Variants in NECAB2 observed in about 807,000 individuals in gnomAD.
The protein encoded by NECAB2 is N-terminal EF-hand calcium-binding protein 2.
Under a neutral mutation model 51.9 loss-of-function variants are expected in NECAB2, and 68 were observed. The observed-to-expected ratio is 1.31, with a 90% confidence interval of 1.08 to 1.60. The LOEUF is 1.60. Ranked by LOEUF, NECAB2 falls within the 40% of genes most tolerant of loss-of-function variation. The pLI is 0.00. For synonymous variants in NECAB2, 329 were observed against 203.5 expected (o/e 1.62, Z -5.25); for missense variants, 854 against 490.3 (o/e 1.74, Z -7.00).
Position 83,983,022 on chromosome 16 carries a change from C to T in NECAB2, c.459+1895C>T, listed in dbSNP as rs540638405. Among the ~76,000 whole-genome samples the T allele has an allele frequency of 6.6e-5, 10 of 152,086 alleles. No individual in the cohort carries two copies. In the South Asian group the frequency reaches 2.1e-3, roughly 32 times the overall value. ...TAGCTGGGACTACAGGCGCCCACCA[C>T]CACTCCTGGGTAATTTTTGTAGTTT... On this transcript the variant is annotated intron_variant, in intron 5 of 12. Transcript: ENST00000305202.
At position 83,994,695 on chromosome 16, in the gene NECAB2, C is replaced by A; in HGVS notation, c.795+7C>A. 6.2e-7 allele frequency: 1 copy of A among 1,613,932 alleles called. No homozygotes were observed. The highest frequency in any genetic ancestry group is 8.5e-7 in the Non-Finnish European group (1 of 1,179,994). ...TGGGAGGCTGGAGAGCAAAGTAAGC[C>A]CTGGCCTGACCACGGCGTCTACTCC... On this transcript the variant is annotated splice_region_variant and intron_variant, in intron 8 of 12. Coordinates refer to ENST00000305202, the MANE Select transcript of NECAB2 (RefSeq NM_019065.3).
Position 83,981,012 on chromosome 16 carries a change from T to C in NECAB2, c.362-18T>C. 1 of 1,612,984 alleles carries C rather than the reference T, an allele frequency of 6.2e-7. No individual in the cohort carries two copies. Among genetic ancestry groups the C allele is most frequent in the Non-Finnish European group, 8.5e-7 (1 of 1,179,032 alleles). On this transcript the variant is annotated intron_variant, in intron 4 of 12. Transcript: ENST00000305202. ...GGGCAGGACCTGTGACCCCTGACCTTTGCCTTTCCTTCCCCAGATTACTTT... is the reference window on the plus strand; with the variant it reads ...GGGCAGGACCTGTGACCCCTGACCTCTGCCTTTCCTTCCCCAGATTACTTT...
At chr16:83,993,088 A>C (rs2084647032) in intron 6 of NECAB2, among the ~76,000 whole-genome samples, 1 of 152,050 alleles carries the variant, frequency 6.6e-6, no homozygotes, top group Non-Finnish European at 1.5e-5. Flanking sequence ...TGTTCCACAC[A>C]TGCCCCTCCC....
chr16:84,000,978 T>G (rs1412122338), intron 11 of NECAB2, among the ~76,000 whole-genome samples, 177 bp downstream of exon 11: 3 of 151,678 alleles, frequency 2.0e-5, no homozygotes, highest in Non-Finnish European at 4.4e-5. Context: ...CAGGAGCTCT[T>G]GGTGGGTAGT....
chr16:83,982,347 G>T (rs1033306619), intron 5 of NECAB2, among the ~76,000 whole-genome samples: 2 of 152,164 alleles, frequency 1.3e-5, no homozygotes, highest in African/African-American at 2.4e-5. Flanking sequence ...CTGTTTTAGA[G>T]TATATTTTAA....
intron 10 of NECAB2, among the ~76,000 whole-genome samples, chr16:83,998,813 G>A (rs1162021589): frequency 9.4e-5 from 12 of 127,936 alleles, no homozygotes. Flanking sequence ...TCCCCCTGAT[G>A]TGCTGAGATG....
intron 5 of NECAB2, among the ~76,000 whole-genome samples, chr16:83,982,841 A>C (rs529757300): frequency 1.3e-5 from 2 of 150,092 alleles, no homozygotes; most frequent in South Asian, 4.2e-4. Context: ...CGTGATTGGC[A>C]TTTCCTTTTT....
At position 83,980,823 on chromosome 16, in the gene NECAB2, C is replaced by T. The variant is rs546644576; in HGVS notation, c.336-16C>T. 1.3e-6 allele frequency: 2 copies of T among 1,572,158 alleles called. No individual in the cohort carries two copies. The highest frequency in any genetic ancestry group is 1.2e-5 in the South Asian group (1 of 86,930). ...TCTCTGTCTCTGTCTGTCTCTGCCT[C>T]TGTCTGTCTCTGCAGCCATGTGGAC... On this transcript the variant is annotated splice_polypyrimidine_tract_variant and intron_variant, in intron 3 of 12. Coordinates refer to ENST00000305202, the MANE Select transcript of NECAB2 (RefSeq NM_019065.3).
chr16:83,986,357 C>G (rs190858286), intron 5 of NECAB2, among the ~76,000 whole-genome samples: 79 of 152,274 alleles, frequency 5.2e-4, no homozygotes, highest in African/African-American at 1.7e-3. Context: ...CAGTAAGATA[C>G]TGGAACTGGC....
Position 83,997,556 on chromosome 16 carries a change from C to G in NECAB2, c.849+287C>G, listed in dbSNP as rs559480954. On this transcript the variant is annotated intron_variant, in intron 9 of 12. Transcript: ENST00000305202. ...AGGCTGGAGTGCAGTGGTGGGATGT[C>G]GGCTTACTGCAACCTCTGCCTCCTG... Among the ~76,000 whole-genome samples, 22 of 124,856 alleles carry G rather than the reference C, an allele frequency of 1.8e-4. No homozygotes were observed. The South Asian group carries it at 5.8e-3, about 33-fold the overall frequency. The allele number at this position is 124,856 out of a possible 152,430, so 81.9% of individuals were successfully genotyped here. A position where few individuals can be genotyped will look rare whatever the true frequency, so the allele number is the denominator to read the frequency against.
chr16:83,980,032 G>A (rs542986949), intron 3 of NECAB2, among the ~76,000 whole-genome samples: 39 of 152,196 alleles, frequency 2.6e-4, no homozygotes, highest in Non-Finnish European at 3.4e-4. Context: ...CAGAGCCCCC[G>A]AGTGCAGATT....
At chr16:83,998,896 A>G (rs1240426981) in intron 10 of NECAB2, among the ~76,000 whole-genome samples, 1 of 152,158 alleles carries the variant, frequency 6.6e-6, no homozygotes, top group African/African-American at 2.4e-5. Flanking sequence ...TCCTTGGTAA[A>G]GCTAAGGCAT....
chr16:83,991,169 G>A (rs1322585163), intron 6 of NECAB2, among the ~76,000 whole-genome samples: 1 of 151,832 alleles, frequency 6.6e-6, no homozygotes. Context: ...TTTTAGTAGA[G>A]ACGGGGTTTT....
chr16:83,993,019 C>A (rs2084645803), intron 6 of NECAB2, among the ~76,000 whole-genome samples: 1 of 152,206 alleles, frequency 6.6e-6, no homozygotes, highest in African/African-American at 2.4e-5. Context: ...CCACCTGCCC[C>A]CATGGTGGGG....
chr16:83,965,981 A>G (rs865807780), upstream of NECAB2: 3 of 1,594,864 alleles, frequency 1.9e-6, no homozygotes, highest in African/African-American at 2.7e-5. Context: ...CTCCCTGCTA[A>G]GGAAGGAGAC....
chr16:84,002,287 C>G, intron 12 of NECAB2, 31 bp from the exon 13 acceptor site: 1 of 1,613,368 alleles, frequency 6.2e-7, no homozygotes, highest in South Asian at 1.1e-5. Context: ...CATTCGCACT[C>G]CTTCCCTCTA....
chr16:83,992,101 C>T (rs1456406200), intron 6 of NECAB2, among the ~76,000 whole-genome samples: 7 of 150,152 alleles, frequency 4.7e-5, no homozygotes, highest in African/African-American at 1.3e-4. Flanking sequence ...CTTGCCACCT[C>T]TCTGTTAAAA....
chr16:84,000,618 G>A (rs970770100), intron 10 of NECAB2, 106 bp from the exon 11 acceptor site: 12 of 800,970 alleles, frequency 1.5e-5, no homozygotes, highest in Admixed American at 1.4e-4. Flanking sequence ...AACATTGAAG[G>A]CAGCCGTTGT....
chr16:83,985,625 C>G lies in NECAB2; in HGVS notation c.459+4498C>G, dbSNP rs551326970. ...TCCAGCCTGGGCAACAAGAGTGAGT[C>G]TCCATCTCAGAAAAAAAAAAAAAAA... is the stretch of plus-strand genomic sequence containing the variant. On this transcript the variant is annotated intron_variant, in intron 5 of 12. Transcript: ENST00000305202. Among the ~76,000 whole-genome samples, 35 of 150,584 alleles carry G rather than the reference C, an allele frequency of 2.3e-4. No individual in the cohort carries two copies. The South Asian group carries it at 4.6e-3, about 20-fold the overall frequency.
Sources: allele counts gnomAD v4.1 joint callset (sites outside exome capture counted in the v4.1 genomes callset), GRCh38; gene constraint gnomAD v4.1.1; transcripts MANE v1.5; gene names NCBI Gene and HGNC (gene_info 2026-07-23, HGNC 2026-07-21).